PRDM16: variants seen among roughly 807,000 people sequenced by gnomAD.
The protein encoded by PRDM16 is histone-lysine N-methyltransferase PRDM16.
PRDM16 carries 23 observed loss-of-function variants against 110.6 expected under a neutral mutation model. The observed-to-expected ratio is 0.21, with a 90% confidence interval of 0.15 to 0.29. The LOEUF is 0.29. Ranked by LOEUF, PRDM16 falls within the 10% of genes least tolerant of loss-of-function variation. PRDM16 has a pLI of 1.00. For missense variants in PRDM16, 1,615 were observed against 1,794.3 expected (o/e 0.90, Z 1.81); for synonymous variants, 799 against 781.8 (o/e 1.02, Z -0.37).
intron 3 of PRDM16, among the ~76,000 whole-genome samples, chr1:3,355,405 G>A (rs7547842): frequency 0.19 from 28,686 of 152,040 alleles, 3,166 homozygotes; most frequent in East Asian, 0.35. Flanking sequence ...TCAGCCTGGC[G>A]GGGGGCTTGG....
chr1:3,091,529 C>T (rs946514093), intron 1 of PRDM16, among the ~76,000 whole-genome samples: 2 of 152,254 alleles, frequency 1.3e-5, no homozygotes, highest in South Asian at 4.1e-4. Flanking sequence ...TCCACGCCTG[C>T]CCCGTGCCAC....
chr1:3,149,042 C>T (rs1385759700), intron 1 of PRDM16, among the ~76,000 whole-genome samples: 2 of 152,180 alleles, frequency 1.3e-5, no homozygotes, highest in Non-Finnish European at 2.9e-5. Context: ...CAGCTCCCCA[C>T]CACTCTTCCT....
intron 1 of PRDM16, among the ~76,000 whole-genome samples, chr1:3,137,982 G>A (rs192674876): frequency 9.8e-5 from 15 of 152,344 alleles, no homozygotes; most frequent in Non-Finnish European, 1.5e-4. Flanking sequence ...CCGTCCCTGG[G>A]CCAAGGGGCT....
rs749455083 is a variant in PRDM16 at position 3,411,949 on chromosome 1, G to A, written c.1752G>A (p.Glu584=). Residue 584 remains glutamate, a synonymous_variant, in exon 9 of 17, where the codon GAG becomes GAA. Coordinates refer to ENST00000270722, the MANE Select transcript of PRDM16 (RefSeq NM_022114.4). ...GPEEKFESRL[E]DSCVEKLKTR... is the part of the protein sequence containing the mutation. Reference sequence around the variant, plus strand: ...AGGAGAAGTTCGAGAGCCGCCTGGAGGACTCCTGTGTGGAGAAGCTGAAGA... The same window carrying A: ...AGGAGAAGTTCGAGAGCCGCCTGGAAGACTCCTGTGTGGAGAAGCTGAAGA... 7 of 1,613,738 alleles carry A rather than the reference G, an allele frequency of 4.3e-6. No individual in the cohort carries two copies. Among genetic ancestry groups the A allele is most frequent in the South Asian group, 3.3e-5 (3 of 91,082 alleles).
intron 9 of PRDM16, among the ~76,000 whole-genome samples, chr1:3,414,087 GT>G (rs1285990861): frequency 3.3e-5 from 5 of 152,216 alleles, no homozygotes; most frequent in Non-Finnish European, 5.9e-5. Context: ...TGAGCCTCTG[GT>G]GTGAGCCACG....
At position 3,390,097 on chromosome 1, in the gene PRDM16, C is replaced by T. The variant is rs1311020757; in HGVS notation, c.573+4811C>T. On this transcript the variant is annotated intron_variant, in intron 4 of 16. Coordinates refer to ENST00000270722, the MANE Select transcript of PRDM16 (RefSeq NM_022114.4). This position sits in a 1 kb window ranked among gnomAD's most constrained non-coding sequence, Gnocchi z 5.0. ...TCAGGAGACACAGACAGGGACAGTT[C>T]CTGAATTTGTTTTAACGTGAAGAAA... Among the ~76,000 whole-genome samples, 4 of 152,110 alleles carry T rather than the reference C, an allele frequency of 2.6e-5. No homozygotes were observed. Among genetic ancestry groups the T allele is most frequent in the African/African-American group, 9.7e-5 (4 of 41,416 alleles).
chr1:3,292,840 G>A (rs112189634), intron 3 of PRDM16, among the ~76,000 whole-genome samples: 1 of 152,222 alleles, frequency 6.6e-6, no homozygotes, highest in Non-Finnish European at 1.5e-5. Flanking sequence ...TGAAACTCTT[G>A]TATCTTCGAA....
At chr1:3,415,124 A>AG (rs1226286247) in intron 10 of PRDM16, among the ~76,000 whole-genome samples, 3 of 152,172 alleles carry the variant, frequency 2.0e-5, no homozygotes, top group Non-Finnish European at 4.4e-5. Context: ...GGTGGTGGGC[A>AG]GGGGGTCTGG....
rs776728016 is a variant in PRDM16, at chr1:3,412,717, C to CCAGGTG, written c.2521_2526dup (p.Gln841_Val842dup). 3 of 1,503,328 alleles carry CCAGGTG rather than the reference C, an allele frequency of 2.0e-6. No individual in the cohort carries two copies. Among genetic ancestry groups the CCAGGTG allele is most frequent in the Non-Finnish European group, 2.7e-6 (3 of 1,126,302 alleles). 93.1% of individuals were successfully genotyped at this position (1,503,328 alleles called of 1,614,324 possible). A position where few individuals can be genotyped will look rare whatever the true frequency, so the allele number is the denominator to read the frequency against. On this transcript the variant is annotated inframe_insertion, in exon 9 of 17. Transcript: ENST00000270722. Reference sequence around the variant, plus strand: ...AGCTGGGCGCCGGCGAGGGGCTGCCCCAGGTGTGCCCGGCGCGGATGCCCC... The same window carrying CCAGGTG: ...AGCTGGGCGCCGGCGAGGGGCTGCCCCAGGTGCAGGTGTGCCCGGCGCGGATGCCCC...
chr1:3,253,183 CT>C (rs994402122), intron 3 of PRDM16, among the ~76,000 whole-genome samples: 29 of 151,948 alleles, frequency 1.9e-4, no homozygotes, highest in Admixed American at 5.9e-4. Context: ...GCACCACACT[CT>C]TTTTTTTAAT....
chr1:3,410,593 C>T (rs755167380), intron 8 of PRDM16, among the ~76,000 whole-genome samples: 9 of 152,336 alleles, frequency 5.9e-5, no homozygotes, highest in Admixed American at 3.3e-4. Context: ...CTGTCTGTGT[C>T]AACCCAGAGG....
At chr1:3,256,811 G>C (rs899718099) in intron 3 of PRDM16, among the ~76,000 whole-genome samples, 93 of 152,076 alleles carry the variant, frequency 6.1e-4, no homozygotes, top group African/African-American at 2.0e-3. Flanking sequence ...GAGCCGAGAT[G>C]GCACCACTGC....
rs761160322 is a variant in PRDM16 at position 3,405,542 on chromosome 1, C to T, written c.1080C>T (p.His360=). Residue 360 remains histidine, a synonymous_variant, in exon 8 of 17, where the codon CAC becomes CAT. Coordinates refer to ENST00000270722, the MANE Select transcript of PRDM16 (RefSeq NM_022114.4). The part of the protein sequence containing the change: ...SNLQRHIRSQ[H]VGARAHACPD... ...TTCAGCGGCACATCCGCTCGCAGCACGTGGGCGCTCGGGCCCACGCCTGCC... is the reference window on the plus strand; with the variant it reads ...TTCAGCGGCACATCCGCTCGCAGCATGTGGGCGCTCGGGCCCACGCCTGCC... The T allele has an allele frequency of 9.0e-5, 145 of 1,606,316 alleles. No homozygotes were observed. Among genetic ancestry groups the T allele is most frequent in the East Asian group, 1.3e-4 (6 of 44,504 alleles).
intron 3 of PRDM16, among the ~76,000 whole-genome samples, chr1:3,269,931 G>A (rs1054244839): frequency 1.4e-4 from 21 of 149,014 alleles, no homozygotes; most frequent in Non-Finnish European, 1.6e-4. Context: ...GAGGACAATC[G>A]GGAGGAGGAC....
At chr1:3,372,494 C>T (rs988797280) in intron 3 of PRDM16, among the ~76,000 whole-genome samples, 1 of 152,208 alleles carries the variant, frequency 6.6e-6, no homozygotes, top group African/African-American at 2.4e-5. Context: ...ACAGAGAAAC[C>T]GCTTCCTGTG....
At chr1:3,365,971 C>G (rs550455390) in intron 3 of PRDM16, among the ~76,000 whole-genome samples, 1 of 151,750 alleles carries the variant, frequency 6.6e-6, no homozygotes, top group Admixed American at 6.6e-5. Context: ...TGCACACACA[C>G]GCACACACGC....
chr1:3,372,960 G>T (rs12135987), intron 3 of PRDM16, among the ~76,000 whole-genome samples: 1 of 152,032 alleles, frequency 6.6e-6, no homozygotes, highest in African/African-American at 2.4e-5. Flanking sequence ...ACCAGCTAGC[G>T]GGGTTTGGGG....
At chr1:3,280,561 GCC>G (rs1302119221) in intron 3 of PRDM16, among the ~76,000 whole-genome samples, 40 of 152,210 alleles carry the variant, frequency 2.6e-4, no homozygotes, top group African/African-American at 9.4e-4. Context: ...GCCTTCCATC[GCC>G]TCCCTCGACT....
chr1:3,244,202 C>A lies in PRDM16; in HGVS notation c.438+65C>A. 2 of 1,464,544 alleles carry A rather than the reference C, an allele frequency of 1.4e-6. No individual in the cohort carries two copies. Among genetic ancestry groups the A allele is most frequent in the South Asian group, 2.3e-5 (2 of 87,924 alleles). The allele number at this position is 1,464,544 out of a possible 1,614,324, so 90.7% of individuals were successfully genotyped here. On this transcript the variant is annotated intron_variant, in intron 3 of 16. Transcript: ENST00000270722. This position sits in a 1 kb window ranked among gnomAD's most constrained non-coding sequence, Gnocchi z 4.1. ...TCCTCGGAGCTCCTGGCGGGGCGACCGCCATCCCAGCTGTCCCTGAGCTAA... is the reference window on the plus strand; with the variant it reads ...TCCTCGGAGCTCCTGGCGGGGCGACAGCCATCCCAGCTGTCCCTGAGCTAA...
Sources: allele counts gnomAD v4.1 joint callset (sites outside exome capture counted in the v4.1 genomes callset), GRCh38; gene constraint gnomAD v4.1.1; non-coding constraint Gnocchi (gnomAD v3.1); transcripts MANE v1.5; gene names NCBI Gene and HGNC (gene_info 2026-07-23, HGNC 2026-07-21).